Variants in TBC1D32 observed in about 807,000 individuals in gnomAD.
TBC1D32 encodes TBC1 domain family member 32.
Under a neutral mutation model 170.3 loss-of-function variants are expected in TBC1D32, and 151 were observed. The observed-to-expected ratio is 0.89, with a 90% CI of 0.78 to 1.01. The LOEUF is 1.01. Among genes scored for constraint, TBC1D32 ranks in the 50% least tolerant of loss-of-function variants. The probability of loss-of-function intolerance (pLI) is 0.00; values close to 1 mark genes in which losing one functional copy is unlikely to be tolerated. For missense variants in TBC1D32, 1,464 were observed against 1,457.1 expected (o/e 1.00, Z -0.08); for synonymous variants, 498 against 488.0 (o/e 1.02, Z -0.27).
chr6:121,235,883 A>C (rs77400242), intron 20 of TBC1D32, among the ~76,000 whole-genome samples: 1,891 of 152,352 alleles, frequency 0.012, 39 homozygotes, highest in African/African-American at 0.043. Context: ...CCTACCTCCT[A>C]TCCACCATCT....
At chr6:121,159,668 G>A (rs1452492771) in intron 24 of TBC1D32, among the ~76,000 whole-genome samples, 1 of 152,084 alleles carries the variant, frequency 6.6e-6, no homozygotes, top group Non-Finnish European at 1.5e-5. Context: ...AGTCTATACA[G>A]CATGTTACTG....
intron 26 of TBC1D32, chr6:121,115,593 A>G (rs1779608469): frequency 1.2e-5 from 2 of 164,404 alleles, no homozygotes; most frequent in Non-Finnish European, 2.6e-5. Context: ...AAAACTCTGA[A>G]TTACAAATAT....
At chr6:121,305,155 T>TA (rs1250917059) in intron 5 of TBC1D32, among the ~76,000 whole-genome samples, 1 of 151,930 alleles carries the variant, frequency 6.6e-6, no homozygotes, top group Non-Finnish European at 1.5e-5. Context: ...AGGAACAGAG[T>TA]AGGCAGTACT....
chr6:121,148,625 T>A (rs1415331316), intron 24 of TBC1D32, among the ~76,000 whole-genome samples: 1 of 151,954 alleles, frequency 6.6e-6, no homozygotes, highest in East Asian at 1.9e-4. Context: ...CCTATTTCTT[T>A]TTTTTTTAGA....
At chr6:121,233,907 G>A (rs1173091636) in intron 20 of TBC1D32, among the ~76,000 whole-genome samples, 4 of 152,146 alleles carry the variant, frequency 2.6e-5, no homozygotes, top group Non-Finnish European at 2.9e-5. Context: ...TGCTGGCTTG[G>A]TAGTGGTGAA....
chr6:121,332,137 A>G (rs1811301032), intron 1 of TBC1D32, among the ~76,000 whole-genome samples: 1 of 152,192 alleles, frequency 6.6e-6, no homozygotes, highest in Non-Finnish European at 1.5e-5. Context: ...GAGAGGAACT[A>G]CAATGACCCA....
At chr6:121,285,118 C>T (rs1803594593) in intron 12 of TBC1D32, among the ~76,000 whole-genome samples, 1 of 152,080 alleles carries the variant, frequency 6.6e-6, no homozygotes, top group South Asian at 2.1e-4. Context: ...TTTCATAAGG[C>T]TCACAAGATA....
rs151253889 is a variant in TBC1D32, at chr6:121,184,424, G to A, written c.2570+20651C>T. On this transcript the variant is annotated intron_variant, in intron 22 of 31. Coordinates refer to ENST00000398212, the MANE Select transcript of TBC1D32 (RefSeq NM_152730.6). ...TCACCTGTAAAATGCATGACAAATT[G>A]CTACATCTCACATTAACTACCACCA... Among the ~76,000 whole-genome samples the A allele has an allele frequency of 1.1e-3, 169 of 151,730 alleles. 4 individuals carry two copies. In the East Asian group the frequency reaches 0.027, roughly 25 times the overall value.
At chr6:121,242,087 G>T in intron 18 of TBC1D32, 114 bp downstream of exon 18, 1 of 1,069,356 alleles carries the variant, frequency 9.4e-7, no homozygotes, top group Non-Finnish European at 1.3e-6. Context: ...AATGCTATAT[G>T]GTCTTTTAAC....
chr6:121,255,519 T>A (rs564640059), intron 16 of TBC1D32, 109 bp from the exon 17 acceptor site: 2 of 73,574 alleles, frequency 2.7e-5, no homozygotes, highest in Non-Finnish European at 5.2e-5. Context: ...TATAATTATA[T>A]TTTATATTTC....
intron 22 of TBC1D32, among the ~76,000 whole-genome samples, chr6:121,203,611 A>G (rs1791873329): frequency 6.6e-6 from 1 of 151,260 alleles, no homozygotes; most frequent in African/African-American, 2.5e-5. Context: ...AGCCTTTTTA[A>G]TTTTTCATAT....
At chr6:121,241,256 A>G (rs1445277096) in intron 19 of TBC1D32, among the ~76,000 whole-genome samples, 2 of 152,202 alleles carry the variant, frequency 1.3e-5, no homozygotes, top group African/African-American at 2.4e-5. Context: ...TTGTATATAT[A>G]TCACAGAAAC....
chr6:121,257,053 G>A (rs1198292557), intron 15 of TBC1D32, among the ~76,000 whole-genome samples: 1 of 152,124 alleles, frequency 6.6e-6, no homozygotes, highest in Non-Finnish European at 1.5e-5. Flanking sequence ...GTGCGCATTA[G>A]ATTGTTGTAG....
At chr6:121,256,425 C>T in intron 15 of TBC1D32, 140 bp from the exon 16 acceptor site, 1 of 660,382 alleles carries the variant, frequency 1.5e-6, no homozygotes, top group Non-Finnish European at 2.5e-6. Flanking sequence ...ACGTTCCCAC[C>T]CATGCACAGA....
intron 4 of TBC1D32, among the ~76,000 whole-genome samples, chr6:121,309,213 G>A (rs1210683949): frequency 3.3e-5 from 5 of 152,138 alleles, no homozygotes; most frequent in African/African-American, 7.2e-5. Context: ...ACAATGTTAA[G>A]TAATTTTTCC....
In TBC1D32 at chr6:121,090,877, A is replaced by G. The variant is rs1043845217; in HGVS notation, c.3630T>C (p.Thr1210=). Reference sequence around the variant, plus strand: ...CTTTTAGGAAAACTTGCAGATCTTGAGTCTGAGTGTGCTGTAGAATGTCTT... The same window carrying G: ...CTTTTAGGAAAACTTGCAGATCTTGGGTCTGAGTGTGCTGTAGAATGTCTT... ...LQQDILQHTQ[T]QDLQVFLKEE... is the part of the protein sequence containing the mutation. Residue 1210 remains threonine, a synonymous_variant, in exon 31 of 32, where the codon ACT becomes ACC. Coordinates refer to ENST00000398212, the MANE Select transcript of TBC1D32 (RefSeq NM_152730.6). 6.2e-7 allele frequency: 1 copy of G among 1,610,466 alleles called. No individual in the cohort carries two copies. Among genetic ancestry groups the G allele is most frequent in the Non-Finnish European group, 8.5e-7 (1 of 1,179,006 alleles).
At chr6:121,123,079 T>C (rs1780444778) in intron 26 of TBC1D32, among the ~76,000 whole-genome samples, 1 of 152,068 alleles carries the variant, frequency 6.6e-6, no homozygotes, top group African/African-American at 2.4e-5. Flanking sequence ...AGATATCAAC[T>C]AAAAAGGTTA....
In TBC1D32 at chr6:121,100,334, G is replaced by A. The variant is rs188431191; in HGVS notation, c.3465+5689C>T. 1.9e-4 allele frequency among the ~76,000 whole-genome samples: 29 copies of A among 151,992 alleles called. No homozygotes were observed. The East Asian group carries it at 4.8e-3, about 25-fold the overall frequency. The stretch of plus-strand genomic sequence containing the variant: ...TCCTGGATATCCTTTTTAACTTTCT[G>A]TCTCATTGATCTGTCTAATGTTGAC... On this transcript the variant is annotated intron_variant, in intron 30 of 31. Coordinates refer to ENST00000398212, the MANE Select transcript of TBC1D32 (RefSeq NM_152730.6).
At chr6:121,284,382 C>T (rs1389868005) in intron 12 of TBC1D32, among the ~76,000 whole-genome samples, 1 of 152,004 alleles carries the variant, frequency 6.6e-6, no homozygotes, top group Non-Finnish European at 1.5e-5. Flanking sequence ...CTCAAGTCTG[C>T]CATGGTAGCA....
Sources: gnomAD v4.1 joint callset for allele counts (sites outside exome capture counted in the v4.1 genomes callset) on GRCh38, gnomAD v4.1.1 for gene constraint, MANE v1.5 for transcripts, NCBI Gene and HGNC (gene_info 2026-07-23, HGNC 2026-07-21) for gene names.